The following RBPJ variants were observed in gnomAD, a reference collection of about 807,000 sequenced individuals.
RBPJ encodes the protein recombination signal binding protein for immunoglobulin kappa J region, also known as recombining binding protein suppressor of hairless.
In RBPJ, 9 loss-of-function variants were observed where a neutral mutation model predicts 67.8. The observed-to-expected ratio is 0.13, with a 90% CI of 0.08 to 0.23. The LOEUF (loss-of-function observed/expected upper bound fraction) is 0.23. Among genes scored for constraint, RBPJ ranks in the 10% least tolerant of loss-of-function variants. The pLI is 1.00. For synonymous variants in RBPJ, 198 were observed against 203.3 expected, an observed-to-expected ratio of 0.97 and a Z score of 0.22; for missense variants, 305 against 595.6, an observed-to-expected ratio of 0.51 and a Z score of 5.08.
chr4:26,319,393 C>G (rs1482728728), upstream of RBPJ, among the ~76,000 whole-genome samples: 2 of 152,100 alleles, frequency 1.3e-5, no homozygotes, highest in African/African-American at 4.8e-5. Context: ...CGCGGGTCTC[C>G]TCCCCCGCCG....
At chr4:26,119,889 C>A in the RBPJ span, among the ~76,000 whole-genome samples, 104 of 152,214 alleles carry the variant, frequency 6.8e-4, no homozygotes, top group East Asian at 0.014. Flanking sequence ...GATAAAATAC[C>A]ATGTTTGGGA....
At chr4:26,386,020 A>C (rs1730882307) in intron 1 of RBPJ, among the ~76,000 whole-genome samples, 1 of 152,154 alleles carries the variant, frequency 6.6e-6, no homozygotes, top group Non-Finnish European at 1.5e-5. Flanking sequence ...TGTATAGCAT[A>C]GTGCCTGACA....
chr4:26,250,328 CTTTTTTT>C (rs869105820), intron 1 of RBPJ, among the ~76,000 whole-genome samples: 146 of 120,698 alleles, frequency 1.2e-3, no homozygotes, highest in African/African-American at 4.1e-3. Flanking sequence ...GACTCCATTC[CTTTTTTT>C]TTTTTTTTTT....
intron 1 of RBPJ, among the ~76,000 whole-genome samples, chr4:26,224,532 C>G (rs574708404): frequency 6.6e-6 from 1 of 152,206 alleles, no homozygotes; most frequent in South Asian, 2.1e-4. Flanking sequence ...AAGAGAGGAA[C>G]TTCCCGCAAC....
intron 1 of RBPJ, among the ~76,000 whole-genome samples, chr4:26,244,243 A>ATG (rs1719771008): frequency 4.6e-5 from 1 of 21,622 alleles, no homozygotes; most frequent in Non-Finnish European, 1.2e-4. Context: ...GTGTCTATAT[A>ATG]TGTGTACACA....
At chr4:26,324,333 C>T (rs2109333845) in intron 1 of RBPJ, among the ~76,000 whole-genome samples, 1 of 151,896 alleles carries the variant, frequency 6.6e-6, no homozygotes, top group South Asian at 2.1e-4. Flanking sequence ...TACCTTTATT[C>T]CTGCCCCCCA....
intron 1 of RBPJ, among the ~76,000 whole-genome samples, chr4:26,326,303 G>T (rs1441892071): frequency 6.6e-6 from 1 of 152,008 alleles, no homozygotes; most frequent in East Asian, 1.9e-4. Flanking sequence ...GAACATTATA[G>T]TAAGGCTCTT....
intron 2 of RBPJ, among the ~76,000 whole-genome samples, chr4:26,392,955 A>G (rs1467860683): frequency 6.6e-6 from 1 of 152,120 alleles, no homozygotes; most frequent in Non-Finnish European, 1.5e-5. Context: ...TTTGTTTGAG[A>G]CGGAGTCTTG....
At chr4:26,309,433 A>G (rs1427110634) in intron 1 of RBPJ, among the ~76,000 whole-genome samples, 1 of 152,244 alleles carries the variant, frequency 6.6e-6, no homozygotes, top group Non-Finnish European at 1.5e-5. Context: ...TAATTTCCTA[A>G]GAAATTTATT....
chr4:26,321,208 GTGCGCTGCCGCTC>G (rs1442511453), intron 1 of RBPJ, among the ~76,000 whole-genome samples, 160 bp downstream of exon 1: 4 of 146,190 alleles, frequency 2.7e-5, no homozygotes, highest in Middle Eastern at 3.4e-3. Context: ...GCGTGTGGCC[GTGCGCTGCCGCTC>G]TGCGCTGCCG....
At chr4:26,242,842 A>G (rs1410823331) in intron 1 of RBPJ, among the ~76,000 whole-genome samples, 1 of 152,194 alleles carries the variant, frequency 6.6e-6, no homozygotes, top group Non-Finnish European at 1.5e-5. Context: ...GATTAAATAG[A>G]AAGAACACAT....
chr4:26,348,918 G>A (rs1040951121), intron 1 of RBPJ, among the ~76,000 whole-genome samples: 3 of 152,044 alleles, frequency 2.0e-5, no homozygotes, highest in Non-Finnish European at 2.9e-5. Context: ...TGTTGCTCAG[G>A]CTGGTCTTAA....
At chr4:26,395,289 A>C (rs1650382182) in intron 2 of RBPJ, among the ~76,000 whole-genome samples, 1 of 152,074 alleles carries the variant, frequency 6.6e-6, no homozygotes, top group Admixed American at 6.6e-5. Flanking sequence ...AGAATTAAAA[A>C]AAATTAAAGA....
chr4:26,417,717 C>T (rs1450851431), intron 4 of RBPJ, among the ~76,000 whole-genome samples: 1 of 152,132 alleles, frequency 6.6e-6, no homozygotes, highest in Non-Finnish European at 1.5e-5. Context: ...TCCTGAGCAG[C>T]GGATTCTGAG....
At chr4:26,411,160 C>T (rs1035526389) in intron 3 of RBPJ, among the ~76,000 whole-genome samples, 1 of 151,986 alleles carries the variant, frequency 6.6e-6, no homozygotes, top group African/African-American at 2.4e-5. Context: ...CCTGTAATCC[C>T]AACACTTTGA....
intron 1 of RBPJ, among the ~76,000 whole-genome samples, chr4:26,380,761 A>G (rs1730233960): frequency 6.6e-6 from 1 of 151,942 alleles, no homozygotes; most frequent in South Asian, 2.1e-4. Context: ...TGGATTGTTG[A>G]TGCTTTTTTA....
At chr4:26,369,048 C>G (rs1030953285) in intron 1 of RBPJ, among the ~76,000 whole-genome samples, 2 of 152,134 alleles carry the variant, frequency 1.3e-5, no homozygotes, top group Non-Finnish European at 2.9e-5. Context: ...GTAACTCCAT[C>G]CCCTGGGACA....
intron 2 of RBPJ, among the ~76,000 whole-genome samples, chr4:26,397,676 C>T (rs1452851075): frequency 6.6e-6 from 1 of 152,116 alleles, no homozygotes; most frequent in Non-Finnish European, 1.5e-5. Context: ...CTCTGTTGCC[C>T]AGGCTGGAGT....
In RBPJ at chr4:26,431,184, T is replaced by TAAAAAA. The variant is rs897964346; in HGVS notation, c.*199_*204dup. 17 of 40,656 alleles carry TAAAAAA rather than the reference T, an allele frequency of 4.2e-4. No homozygotes were observed. The highest frequency in any genetic ancestry group is 9.8e-4 in the South Asian group (1 of 1,018). 2.5% of individuals were successfully genotyped at this position (40,656 alleles called of 1,614,324 possible). Reference sequence around the variant, plus strand: ...CTGATTTGAAATGCAGAAGCCACAGTAAAAAAAAAAAAAAAAAAAAAAAAA... The same window carrying TAAAAAA: ...CTGATTTGAAATGCAGAAGCCACAGTAAAAAAAAAAAAAAAAAAAAAAAAAAAAAAA... On this transcript the variant is annotated 3_prime_UTR_variant, in exon 11 of 11. Coordinates refer to ENST00000355476, the MANE Select transcript of RBPJ (RefSeq NM_015874.6).
Sources: gnomAD v4.1 joint callset for allele counts (sites outside exome capture counted in the v4.1 genomes callset) on GRCh38, gnomAD v4.1.1 for gene constraint, MANE v1.5 for transcripts, NCBI Gene and HGNC (gene_info 2026-07-23, HGNC 2026-07-21) for gene names.